The following BBX variants were observed in gnomAD, a reference collection of about 807,000 sequenced individuals.
The protein encoded by BBX is HMG box transcription factor BBX.
In BBX, 30 loss-of-function variants were observed where a neutral mutation model predicts 100.2. The ratio of observed to expected loss-of-function variants is 0.30; its 90% CI spans 0.22 to 0.41. BBX has a LOEUF of 0.41. Ranked by LOEUF, BBX falls within the 10% of genes least tolerant of loss-of-function variation. The pLI, the probability that BBX is intolerant of heterozygous loss-of-function variation, is 1.00. For missense variants in BBX, 1,023 were observed against 1,129.8 expected, an observed-to-expected ratio of 0.91 and a Z score of 1.35; for synonymous variants, 376 against 388.1, an observed-to-expected ratio of 0.97 and a Z score of 0.37.
At chr3:107,616,998 A>G (rs1479042443) in intron 2 of BBX, among the ~76,000 whole-genome samples, 1 of 152,004 alleles carries the variant, frequency 6.6e-6, no homozygotes. Context: ...TATCTTATTT[A>G]TTTTTCTTAA....
chr3:107,681,070 T>A (rs1470756440), intron 3 of BBX, among the ~76,000 whole-genome samples: 1 of 152,178 alleles, frequency 6.6e-6, no homozygotes, highest in African/African-American at 2.4e-5. Context: ...GAAGCCCTGA[T>A]GGTAGTGCTG....
chr3:107,774,661 A>G, intron 11 of BBX, 58 bp from the exon 12 acceptor site: 1 of 1,564,592 alleles, frequency 6.4e-7, no homozygotes, highest in Non-Finnish European at 8.7e-7. Context: ...AGCAACTAAC[A>G]TCATCTCCCC....
rs368459998 is a variant in BBX at position 107,601,726 on chromosome 3, G to A, written c.-83-44110G>A. On this transcript the variant is annotated intron_variant, in intron 2 of 17. Transcript: ENST00000325805. The stretch of plus-strand genomic sequence containing the variant: ...ATAAAAGTGCAAGAGGAAGCAGCAA[G>A]TGCTGATGGAGAAGCTACAGCAAGT... Among the ~76,000 whole-genome samples the A allele has an allele frequency of 5.9e-5, 9 of 152,380 alleles. No individual in the cohort carries two copies. The South Asian group carries it at 6.2e-4, about 11-fold the overall frequency.
intron 3 of BBX, among the ~76,000 whole-genome samples, chr3:107,656,318 T>G (rs2058140331): frequency 6.6e-6 from 1 of 152,198 alleles, no homozygotes; most frequent in Non-Finnish European, 1.5e-5. Context: ...ATTTTGAATA[T>G]CTCTCAACAA....
At chr3:107,577,787 A>C (rs1435856444) in intron 2 of BBX, among the ~76,000 whole-genome samples, 2 of 152,176 alleles carry the variant, frequency 1.3e-5, no homozygotes, top group Admixed American at 1.3e-4. Flanking sequence ...AAGGGTAGAT[A>C]AGTAGACCCC....
intron 12 of BBX, among the ~76,000 whole-genome samples, chr3:107,777,603 A>T (rs1457059401): frequency 1.3e-5 from 2 of 152,294 alleles, no homozygotes; most frequent in East Asian, 3.9e-4. Flanking sequence ...TCCAGCAGGC[A>T]TGTTGCCATT....
chr3:107,591,597 C>G (rs936473502), intron 2 of BBX, among the ~76,000 whole-genome samples: 4 of 152,244 alleles, frequency 2.6e-5, no homozygotes, highest in Admixed American at 2.6e-4. Flanking sequence ...AACTGATCCT[C>G]CTGCCTCATA....
intron 7 of BBX, among the ~76,000 whole-genome samples, chr3:107,740,206 C>T (rs2063970785): frequency 6.6e-6 from 1 of 152,004 alleles, no homozygotes; most frequent in Non-Finnish European, 1.5e-5. Flanking sequence ...CCAGCTTCTC[C>T]TTTAACTCTC....
intron 2 of BBX, among the ~76,000 whole-genome samples, chr3:107,572,599 A>G (rs1266003043): frequency 1.3e-5 from 2 of 152,212 alleles, no homozygotes; most frequent in African/African-American, 4.8e-5. Context: ...AATTAACATC[A>G]ATATGGTATA....
In BBX at chr3:107,526,418, G is replaced by C. The variant is rs527338058; in HGVS notation, c.-84+20G>C. ...TCCTGGGTAAGTATGCAAACTGTTC[G>C]TACAGGGAAGCAGGATGACAATTAG... On this transcript the variant is annotated intron_variant, in intron 2 of 17. Coordinates refer to ENST00000325805, the MANE Select transcript of BBX (RefSeq NM_001142568.3). 1 of 398,396 alleles carries C rather than the reference G, an allele frequency of 2.5e-6. No homozygotes were observed. Among genetic ancestry groups the C allele is most frequent in the Admixed American group, 4.4e-5 (1 of 22,716 alleles). The allele number at this position is 398,396 out of a possible 1,614,324, so 24.7% of individuals were successfully genotyped here.
At chr3:107,535,620 T>G (rs2048440651) in intron 2 of BBX, among the ~76,000 whole-genome samples, 2 of 147,318 alleles carry the variant, frequency 1.4e-5, no homozygotes, top group African/African-American at 2.5e-5. Context: ...TGAGGCAGAG[T>G]CTCACTCTGT....
rs749737625 is a variant in BBX, at chr3:107,755,618, G to T, written c.846G>T (p.Gln282His). 1.9e-6 allele frequency: 3 copies of T among 1,613,788 alleles called. No individual in the cohort carries two copies. The African/African-American group carries it at 4.0e-5, about 22-fold the overall frequency. The change falls in exon 10 of 18, where the codon CAG becomes CAT. Residue 282 changes from glutamine (Q) to histidine (H), a missense_variant. This residue lies in a region of BBX where 95 missense variants were observed against 95.1 expected (regional missense o/e 1.00). Coordinates refer to ENST00000325805, the MANE Select transcript of BBX (RefSeq NM_001142568.3). ...QFAEISSNTS[Q>H]LGGAEPVKRC... ...TATAGATTTCTTCAAACACTTCGCA[G>T]TTGGGTGGTGCTGAGCCTGTAAAAC...
intron 3 of BBX, among the ~76,000 whole-genome samples, chr3:107,656,013 T>A (rs537781743): frequency 1.3e-5 from 2 of 152,196 alleles, no homozygotes; most frequent in South Asian, 2.1e-4. Context: ...TGCTATTTTT[T>A]AAAAATATTA....
At chr3:107,525,912 A>G (rs906130770) in intron 1 of BBX, among the ~76,000 whole-genome samples, 1 of 152,194 alleles carries the variant, frequency 6.6e-6, no homozygotes, top group African/African-American at 2.4e-5. Flanking sequence ...CTCCTGGGCA[A>G]GGCGAGGCTC....
chr3:107,632,244 A>AT (rs766949235), intron 2 of BBX, among the ~76,000 whole-genome samples: 1,765 of 145,664 alleles, frequency 0.012, 24 homozygotes, highest in African/African-American at 0.03. Context: ...TGCCCAGCTA[A>AT]TTTTTTTTTT....
At chr3:107,678,132 A>G (rs1432014596) in intron 3 of BBX, among the ~76,000 whole-genome samples, 1 of 151,900 alleles carries the variant, frequency 6.6e-6, no homozygotes, top group African/African-American at 2.4e-5. Context: ...TTTCCCACTT[A>G]TCTTCAGTGT....
At chr3:107,738,968 T>A (rs1251081710) in intron 7 of BBX, among the ~76,000 whole-genome samples, 1 of 152,222 alleles carries the variant, frequency 6.6e-6, no homozygotes, top group African/African-American at 2.4e-5. Context: ...ACACCCACAT[T>A]GTTTTTCATT....
chr3:107,695,683 G>T (rs1327683252), intron 3 of BBX, among the ~76,000 whole-genome samples: 1 of 151,680 alleles, frequency 6.6e-6, no homozygotes, highest in Non-Finnish European at 1.5e-5. Context: ...TTGATTTGGG[G>T]TGGAGAGTTC....
intron 3 of BBX, among the ~76,000 whole-genome samples, chr3:107,684,205 T>C (rs937298874): frequency 2.6e-5 from 4 of 152,192 alleles, no homozygotes; most frequent in African/African-American, 9.7e-5. Context: ...TCTAACTGTT[T>C]AACATGAACC....
Sources: gnomAD v4.1 joint callset for allele counts (sites outside exome capture counted in the v4.1 genomes callset) on GRCh38, gnomAD v4.1.1 for gene constraint, gnomAD v4.1.1 regional missense constraint, MANE v1.5 for transcripts, NCBI Gene and HGNC (gene_info 2026-07-23, HGNC 2026-07-21) for gene names.